The following FMN1 variants were observed in gnomAD, a reference collection of about 807,000 sequenced individuals.
The protein encoded by FMN1 is formin 1, also known as formin-1.
FMN1 carries 110 observed loss-of-function variants against 132.4 expected under a neutral mutation model. The ratio of observed to expected loss-of-function variants is 0.83; its 90% confidence interval spans 0.71 to 0.97. The LOEUF is 0.97. Among genes scored for constraint, FMN1 ranks in the 50% least tolerant of loss-of-function variants. FMN1 has a pLI of 0.00. For missense variants in FMN1, 1,792 were observed against 1,705.3 expected, an observed-to-expected ratio of 1.05 and a Z score of -0.90; for synonymous variants, 722 against 651.7, an observed-to-expected ratio of 1.11 and a Z score of -1.64.
chr15:33,061,831 C>T (rs917682940), intron 6 of FMN1, among the ~76,000 whole-genome samples: 15 of 152,052 alleles, frequency 9.9e-5, no homozygotes, highest in African/African-American at 3.6e-4. Flanking sequence ...AAAAAGTTGT[C>T]TTCGATCTCT....
At chr15:32,793,053 G>A (rs532833091) in intron 19 of FMN1, among the ~76,000 whole-genome samples, 9 of 152,246 alleles carry the variant, frequency 5.9e-5, no homozygotes, top group South Asian at 2.1e-4. Context: ...GGAAATGAAC[G>A]TAAATCATTC....
At chr15:33,183,333 T>C (rs891869850) in intron 2 of FMN1, among the ~76,000 whole-genome samples, 1 of 152,224 alleles carries the variant, frequency 6.6e-6, no homozygotes, top group Non-Finnish European at 1.5e-5. Flanking sequence ...TAAATGCTCA[T>C]TCAATTAAAC....
At chr15:33,099,314 C>G (rs2039204631) in intron 4 of FMN1, among the ~76,000 whole-genome samples, 1 of 152,168 alleles carries the variant, frequency 6.6e-6, no homozygotes, top group African/African-American at 2.4e-5. Context: ...TATCAATAAA[C>G]TCTTTCGAGT....
intron 3 of FMN1, among the ~76,000 whole-genome samples, chr15:33,161,961 G>A (rs1189111764): frequency 6.6e-6 from 1 of 150,668 alleles, no homozygotes; most frequent in Non-Finnish European, 1.5e-5. Context: ...TCTGCAATAG[G>A]TTAATGGCTC....
chr15:33,122,288 CGTT>C lies in FMN1; in HGVS notation c.1867+30757_1867+30759del, dbSNP rs72353530. The stretch of plus-strand genomic sequence containing the variant: ...AATTTTGTGTTTCTACTCCGTAAAA[CGTT>C]GTTGTGTTCCGCAAATTCAAGTAAC... On this transcript the variant is annotated intron_variant, in intron 4 of 20. Transcript: ENST00000616417. 5.7e-3 allele frequency among the ~76,000 whole-genome samples: 869 copies of C among 152,274 alleles called. 5 individuals carry two copies. The highest frequency in any genetic ancestry group is 0.02 in the African/African-American group (842 of 41,542).
intron 15 of FMN1, among the ~76,000 whole-genome samples, chr15:32,893,275 C>A (rs539438713): frequency 5.5e-4 from 84 of 152,360 alleles, no homozygotes; most frequent in Admixed American, 7.8e-4. Flanking sequence ...ATCCTCACTA[C>A]AAAGCTCCAT....
chr15:33,159,262 A>G (rs1964796914), intron 3 of FMN1, among the ~76,000 whole-genome samples: 1 of 152,214 alleles, frequency 6.6e-6, no homozygotes, highest in Non-Finnish European at 1.5e-5. Context: ...ACAGGAAAGA[A>G]TTTGGTTTCA....
intron 7 of FMN1, among the ~76,000 whole-genome samples, chr15:32,988,654 G>A (rs929573452): frequency 6.6e-6 from 1 of 152,178 alleles, no homozygotes; most frequent in African/African-American, 2.4e-5. Context: ...CTGCCTGCGT[G>A]GTCTTGAGCC....
intron 6 of FMN1, among the ~76,000 whole-genome samples, chr15:33,023,321 G>A (rs2035512532): frequency 6.6e-6 from 1 of 151,414 alleles, no homozygotes; most frequent in Non-Finnish European, 1.5e-5. Context: ...CAAAACATAA[G>A]AAGAAACCTA....
intron 10 of FMN1, among the ~76,000 whole-genome samples, chr15:32,925,002 GAC>G (rs1434304826): frequency 6.6e-6 from 1 of 152,168 alleles, no homozygotes; most frequent in Admixed American, 6.5e-5. Context: ...TTTCATGCGA[GAC>G]ACAGATTTTG....
At chr15:32,804,805 C>A (rs1053237411) in intron 17 of FMN1, among the ~76,000 whole-genome samples, 1 of 152,046 alleles carries the variant, frequency 6.6e-6, no homozygotes, top group African/African-American at 2.4e-5. Context: ...ATGATAGTTT[C>A]TGGCTTCATC....
intron 7 of FMN1, among the ~76,000 whole-genome samples, chr15:32,983,681 CATT>C (rs1023473749): frequency 6.6e-6 from 1 of 152,116 alleles, no homozygotes; most frequent in Non-Finnish European, 1.5e-5. Context: ...TGAAAAAAGA[CATT>C]ATCACAGAAA....
At chr15:32,947,198 A>T (rs575388361) in intron 9 of FMN1, among the ~76,000 whole-genome samples, 3 of 152,126 alleles carry the variant, frequency 2.0e-5, no homozygotes, top group Admixed American at 6.5e-5. Context: ...TCTTTTATTC[A>T]TGAAGTGAGG....
chr15:32,829,862 G>A (rs2058460386), intron 17 of FMN1, among the ~76,000 whole-genome samples: 1 of 152,082 alleles, frequency 6.6e-6, no homozygotes, highest in African/African-American at 2.4e-5. Context: ...TAGTGGGAAG[G>A]GAGACAAGAT....
intron 5 of FMN1, among the ~76,000 whole-genome samples, chr15:33,073,394 T>C (rs556369504): frequency 3.9e-4 from 59 of 152,272 alleles, no homozygotes; most frequent in Non-Finnish European, 7.6e-4. Flanking sequence ...TAGTTAAACT[T>C]AGTAAGGGTA....
chr15:32,805,278 A>T (rs181753720), intron 17 of FMN1, among the ~76,000 whole-genome samples: 21 of 152,214 alleles, frequency 1.4e-4, no homozygotes, highest in African/African-American at 5.1e-4. Flanking sequence ...GCATTTTTTC[A>T]TGTGTCTATT....
intron 17 of FMN1, among the ~76,000 whole-genome samples, chr15:32,831,004 A>C (rs2058487498): frequency 6.6e-6 from 1 of 152,126 alleles, no homozygotes; most frequent in Non-Finnish European, 1.5e-5. Flanking sequence ...ACTCTAGTCC[A>C]AGGCACCAAA....
chr15:33,191,385 G>T, intron 2 of FMN1, among the ~76,000 whole-genome samples: 1 of 151,560 alleles, frequency 6.6e-6, no homozygotes, highest in East Asian at 1.9e-4. Flanking sequence ...GTTGGTTAAA[G>T]AAAAAAAAAC....
chr15:32,899,032 T>C (rs1053494622), intron 14 of FMN1, 139 bp from the exon 15 acceptor site: 3 of 621,000 alleles, frequency 4.8e-6, no homozygotes, highest in South Asian at 2.0e-5. Flanking sequence ...AGGTTTTCCT[T>C]CCTCTGCTTT....
Sources: gnomAD v4.1 joint callset for allele counts (sites outside exome capture counted in the v4.1 genomes callset) on GRCh38, gnomAD v4.1.1 for gene constraint, MANE v1.5 for transcripts, NCBI Gene and HGNC (gene_info 2026-07-23, HGNC 2026-07-21) for gene names.